NDUFAF6: variants seen among roughly 807,000 people sequenced by gnomAD.
The protein encoded by NDUFAF6 is NADH:ubiquinone oxidoreductase complex assembly factor 6.
Under a neutral mutation model 40.8 loss-of-function variants are expected in NDUFAF6, and 45 were observed. The observed-to-expected ratio is 1.10, with a 90% CI of 0.87 to 1.42. The LOEUF is 1.42. Among genes scored for constraint, NDUFAF6 ranks in the 40% most tolerant of loss-of-function variants. NDUFAF6 has a pLI of 0.00. For synonymous variants in NDUFAF6, 185 were observed against 155.9 expected (o/e 1.19, Z -1.39); for missense variants, 435 against 418.5 (o/e 1.04, Z -0.34).
Position 95,027,439 on chromosome 8 carries a change from G to A in NDUFAF6, c.197+2234G>A, listed in dbSNP as rs1221217821. 3.3e-5 allele frequency among the ~76,000 whole-genome samples: 5 copies of A among 152,036 alleles called. No homozygotes were observed. In the East Asian group the frequency reaches 9.7e-4, roughly 29 times the overall value. ...ACAAAAAATAAATAAAATTAGCTGG[G>A]CATGGTGGTAAGCACCTGTAGTCCC... On this transcript the variant is annotated intron_variant, in intron 1 of 8. Coordinates refer to ENST00000396124, the MANE Select transcript of NDUFAF6 (RefSeq NM_152416.4).
intron 2 of NDUFAF6, chr8:94,984,277 A>C (rs1825665617): frequency 6.6e-6 from 1 of 152,210 alleles, no homozygotes; most frequent in Non-Finnish European, 1.5e-5. Context: ...ACTCATAGAG[A>C]CCAGTGCTTA....
intron 9 of NDUFAF6, among the ~76,000 whole-genome samples, chr8:95,064,141 C>T (rs1444435397): frequency 2.0e-5 from 3 of 150,072 alleles, no homozygotes; most frequent in Non-Finnish European, 4.4e-5. Flanking sequence ...CTGCCCGCCT[C>T]AGCCTCCCAA....
chr8:95,067,733 C>G (rs201521136), intron 9 of NDUFAF6: 1 of 152,032 alleles, frequency 6.6e-6, no homozygotes. Flanking sequence ...TCCTGACTCT[C>G]CACTTGGCCT....
At chr8:94,903,527 A>G (rs1818165239) in intron 1 of NDUFAF6, among the ~76,000 whole-genome samples, 2 of 152,228 alleles carry the variant, frequency 1.3e-5, no homozygotes, top group Non-Finnish European at 2.9e-5. Context: ...AGCATGTAAT[A>G]CAAATTACAG....
chr8:94,946,281 C>T (rs1481226441), intron 2 of NDUFAF6, among the ~76,000 whole-genome samples: 1 of 152,118 alleles, frequency 6.6e-6, no homozygotes, highest in Non-Finnish European at 1.5e-5. Context: ...CTAATACTCA[C>T]GGGGAAGAGC....
upstream of NDUFAF6, among the ~76,000 whole-genome samples, chr8:94,955,982 C>T (rs1442936233): frequency 1.3e-5 from 2 of 152,162 alleles, no homozygotes; most frequent in African/African-American, 2.4e-5. Context: ...CCATATAATC[C>T]ATAACTCAGA....
chr8:94,951,481 C>T (rs1822612424), intron 2 of NDUFAF6: 1 of 152,228 alleles, frequency 6.6e-6, no homozygotes, highest in Non-Finnish European at 1.5e-5. Flanking sequence ...TGACTCTAAA[C>T]TCTACCAAAT....
intron 9 of NDUFAF6, among the ~76,000 whole-genome samples, chr8:95,070,606 A>C (rs999670979): frequency 6.6e-6 from 1 of 152,238 alleles, no homozygotes; most frequent in African/African-American, 2.4e-5. Flanking sequence ...GGATTATGAA[A>C]TTAAAAAGAT....
At chr8:95,045,281 G>A (rs902924776) in intron 4 of NDUFAF6, among the ~76,000 whole-genome samples, 1 of 151,984 alleles carries the variant, frequency 6.6e-6, no homozygotes, top group Non-Finnish European at 1.5e-5. Context: ...GATAACTTGG[G>A]CTTCAGATGA....
intron 1 of NDUFAF6, among the ~76,000 whole-genome samples, chr8:95,026,358 C>T (rs936071104): frequency 6.6e-6 from 1 of 152,166 alleles, no homozygotes; most frequent in Non-Finnish European, 1.5e-5. Flanking sequence ...GTCCCGGCTG[C>T]TCCAGAGGCT....
At chr8:95,017,407 CTCTT>C in intron 2 of NDUFAF6, among the ~76,000 whole-genome samples, 1 of 152,302 alleles carries the variant, frequency 6.6e-6, no homozygotes, top group South Asian at 2.1e-4. Context: ...CTCCCTCCCT[CTCTT>C]TGATTCTATA....
chr8:94,902,957 G>A (rs896628579), intron 1 of NDUFAF6, among the ~76,000 whole-genome samples: 9 of 152,040 alleles, frequency 5.9e-5, no homozygotes, highest in African/African-American at 2.2e-4. Context: ...ACCTGCCTCG[G>A]CCTCAAAGTG....
intron 3 of NDUFAF6, among the ~76,000 whole-genome samples, chr8:95,039,171 G>T (rs1302798013): frequency 6.6e-6 from 1 of 150,766 alleles, no homozygotes; most frequent in Non-Finnish European, 1.5e-5. Context: ...ATGGGGTTTC[G>T]TGGCCAGGCA....
At chr8:94,926,233 G>A (rs1323287761) in intron 1 of NDUFAF6, 1 of 152,510 alleles carries the variant, frequency 6.6e-6, no homozygotes, top group Non-Finnish European at 1.5e-5. Context: ...TGCATAGATT[G>A]ATGTACAGTA....
intron 2 of NDUFAF6, among the ~76,000 whole-genome samples, chr8:94,951,664 CACG>C (rs1328908066): frequency 6.6e-6 from 1 of 152,182 alleles, no homozygotes; most frequent in Non-Finnish European, 1.5e-5. Context: ...AGTACTTTAC[CACG>C]ACATTGTTTG....
At chr8:95,068,745 G>T (rs1219665537) in intron 9 of NDUFAF6, 3 of 151,834 alleles carry the variant, frequency 2.0e-5, no homozygotes, top group Non-Finnish European at 4.4e-5. Flanking sequence ...TTCTGCGAGC[G>T]AATGCCCAAG....
chr8:95,047,017 C>G lies in NDUFAF6; in HGVS notation c.604C>G (p.His202Asp), dbSNP rs781696114. 6.2e-7 allele frequency: 1 copy of G among 1,614,122 alleles called. No individual in the cohort carries two copies. Residue 202 changes from histidine (H) to aspartate (D), a missense_variant, in exon 6 of 9, where the codon CAT (histidine) becomes GAT (aspartate). Physicochemically the swap from His to Asp is moderately conservative, Grantham distance 81. Coordinates refer to ENST00000396124, the MANE Select transcript of NDUFAF6 (RefSeq NM_152416.4). ...AGGTATAAAGGATCTTCATGCAGAT[C>G]ATGCTGCAAGTCATATTGGAAAAGC... ...ILGIKDLHAD[H>D]AASHIGKAQG...
At chr8:94,930,400 A>G (rs1820273908) in intron 1 of NDUFAF6, 11 of 1,558,200 alleles carry the variant, frequency 7.1e-6, no homozygotes, top group African/African-American at 4.1e-5. Context: ...TAAAGAGACA[A>G]CATTTTCACT....
At chr8:94,969,188 GT>G (rs1349552302) in intron 1 of NDUFAF6, among the ~76,000 whole-genome samples, 2 of 152,168 alleles carry the variant, frequency 1.3e-5, no homozygotes, top group African/African-American at 4.8e-5. Context: ...TAGGGAGTAA[GT>G]ATTAATGGAG....
Sources: allele counts gnomAD v4.1 joint callset (sites outside exome capture counted in the v4.1 genomes callset), GRCh38; gene constraint gnomAD v4.1.1; transcripts MANE v1.5; gene names NCBI Gene and HGNC (gene_info 2026-07-23, HGNC 2026-07-21).